The following RRP36 variants were observed in gnomAD, a reference collection of about 807,000 sequenced individuals.
RRP36 encodes the protein ribosomal RNA processing 36.
Under a neutral mutation model 39.8 loss-of-function variants are expected in RRP36, and 44 were observed. The ratio of observed to expected loss-of-function variants is 1.10; its 90% CI spans 0.87 to 1.42. The LOEUF is 1.42. RRP36 is among the 40% of genes most tolerant of loss of function. The pLI is 0.00. For synonymous variants in RRP36, 124 were observed against 123.1 expected (o/e 1.01, Z -0.05); for missense variants, 316 against 322.4 (o/e 0.98, Z 0.15).
chr6:43,028,796 C>CA (rs1762862366), intron 6 of RRP36, among the ~76,000 whole-genome samples: 1 of 151,382 alleles, frequency 6.6e-6, no homozygotes, highest in Non-Finnish European at 1.5e-5. Flanking sequence ...ACTAAAAATA[C>CA]AAAAAAATTA....
rs111947324 is a variant in RRP36 at position 43,024,938 on chromosome 6, A to G, written c.131-47A>G. On this transcript the variant is annotated intron_variant, in intron 1 of 6. Coordinates refer to ENST00000244496, the MANE Select transcript of RRP36 (RefSeq NM_033112.4). ...GGGGATGGGAAGATGTCTTTTCTGC[A>G]GTGGGACATGCTGAGCTGAGTTGTA... 4 of 1,606,236 alleles carry G rather than the reference A, an allele frequency of 2.5e-6. No individual in the cohort carries two copies. The African/African-American group carries it at 4.0e-5, about 16-fold the overall frequency.
In RRP36 at chr6:43,027,467, C is replaced by T; in HGVS notation, c.633C>T (p.Phe211=). 6.2e-7 allele frequency: 1 copy of T among 1,613,264 alleles called. No homozygotes were observed. Among genetic ancestry groups the T allele is most frequent in the South Asian group, 1.1e-5 (1 of 90,994 alleles). ...AQAQQGHRPY[F]LKKSEQRQLA... is the part of the protein sequence containing the mutation. ...CCCAGCAGGGCCATCGGCCATACTT[C>T]CTGAAAAAATGTGAGTTGGGCACAA... The change falls in exon 6 of 7, where the codon TTC becomes TTT. Residue 211 remains phenylalanine, a synonymous_variant. Transcript: ENST00000244496.
In RRP36 at chr6:43,029,281, G is replaced by T; in HGVS notation, c.*53G>T. 1 of 1,597,262 alleles carries T rather than the reference G, an allele frequency of 6.3e-7. No individual in the cohort carries two copies. On this transcript the variant is annotated 3_prime_UTR_variant, in exon 7 of 7. Transcript: ENST00000244496. ...GCCCCAGGGAGACATGGATCTGTGAGGACAGATTTGGCCACGGCTGGTTTC... is the reference window on the plus strand; with the variant it reads ...GCCCCAGGGAGACATGGATCTGTGATGACAGATTTGGCCACGGCTGGTTTC...
chr6:43,024,889 A>C, intron 1 of RRP36, 96 bp from the exon 2 acceptor site: 2 of 1,400,812 alleles, frequency 1.4e-6, no homozygotes, highest in Non-Finnish European at 2.0e-6. Context: ...CTGATGGGGT[A>C]TTAGGATTAG....
chr6:43,028,885 G>A (rs150335202), intron 6 of RRP36, among the ~76,000 whole-genome samples: 339 of 152,262 alleles, frequency 2.2e-3, no homozygotes, highest in African/African-American at 7.6e-3. Flanking sequence ...TCTAGAAGAC[G>A]GAGGTTGCAG....
In RRP36 at chr6:43,024,946, A is replaced by G. The variant is rs771095842; in HGVS notation, c.131-39A>G. The G allele has an allele frequency of 1.1e-5, 17 of 1,609,962 alleles. No individual in the cohort carries two copies. The South Asian group carries it at 1.8e-4, about 17-fold the overall frequency. The stretch of plus-strand genomic sequence containing the variant: ...GAAGATGTCTTTTCTGCAGTGGGAC[A>G]TGCTGAGCTGAGTTGTATGTCCCTC... On this transcript the variant is annotated intron_variant, in intron 1 of 6. Transcript: ENST00000244496.
At position 43,029,502 on chromosome 6, in the gene RRP36, G is replaced by A. The variant is rs1762875065; in HGVS notation, c.*274G>A. The A allele has an allele frequency of 9.1e-6, 3 of 328,570 alleles. No homozygotes were observed. The highest frequency in any genetic ancestry group is 9.7e-5 in the South Asian group (1 of 10,258). 20.4% of individuals were successfully genotyped at this position (328,570 alleles called of 1,614,324 possible). A position where few individuals can be genotyped will look rare whatever the true frequency, so the allele number is the denominator to read the frequency against. ...GCCTTAAACCAGGGATTCTGATACC[G>A]AAGAAGAGGGGCCAATGAAAACCAT... On this transcript the variant is annotated 3_prime_UTR_variant, in exon 7 of 7. Coordinates refer to ENST00000244496, the MANE Select transcript of RRP36 (RefSeq NM_033112.4).
At chr6:43,021,894 C>T in intron 1 of RRP36, 110 bp downstream of exon 1, 1 of 823,100 alleles carries the variant, frequency 1.2e-6, no homozygotes, top group East Asian at 3.7e-5. Context: ...AAGAGGCAGA[C>T]GCTACACTAG....
chr6:43,028,066 G>C (rs1285355877), intron 6 of RRP36, among the ~76,000 whole-genome samples: 1 of 152,074 alleles, frequency 6.6e-6, no homozygotes, highest in Non-Finnish European at 1.5e-5. Context: ...GGTGGCTCAC[G>C]CCTATAATCC....
intron 4 of RRP36, among the ~76,000 whole-genome samples, chr6:43,026,929 G>T (rs6921535): frequency 0.26 from 39,180 of 151,672 alleles, 7,594 homozygotes; most frequent in African/African-American, 0.55. Flanking sequence ...AGCCGGGCGT[G>T]GTGGCACGTG....
intron 1 of RRP36, among the ~76,000 whole-genome samples, chr6:43,022,569 G>A (rs1442523275): frequency 6.9e-6 from 1 of 144,512 alleles, no homozygotes; most frequent in Non-Finnish European, 1.5e-5. Context: ...GCGTCACCAC[G>A]CCTGCACGGA....
chr6:43,027,717 C>T (rs537474914), intron 6 of RRP36, among the ~76,000 whole-genome samples: 1 of 129,990 alleles, frequency 7.7e-6, no homozygotes, highest in Admixed American at 7.5e-5. Flanking sequence ...TCCCAACCCC[C>T]CCCCCCCAAC....
In RRP36 at chr6:43,027,270, G is replaced by C. The variant is rs750917366; in HGVS notation, c.525+18G>C. 2.5e-6 allele frequency: 4 copies of C among 1,613,706 alleles called. No individual in the cohort carries two copies. ...AGCGAATGGTGAGTGGGTAATAATT[G>C]TGGTGGGTAATGAAAGCAATTAAAG... On this transcript the variant is annotated intron_variant, in intron 5 of 6. Coordinates refer to ENST00000244496, the MANE Select transcript of RRP36 (RefSeq NM_033112.4).
intron 1 of RRP36, among the ~76,000 whole-genome samples, chr6:43,024,264 G>A (rs549913609): frequency 6.6e-6 from 1 of 152,090 alleles, no homozygotes; most frequent in South Asian, 2.1e-4. Context: ...GTTTCTGGGG[G>A]AAGTGTACCA....
At chr6:43,025,894 C>A in intron 3 of RRP36, 143 bp from the exon 4 acceptor site, 1 of 525,718 alleles carries the variant, frequency 1.9e-6, no homozygotes, top group East Asian at 3.4e-5. Flanking sequence ...GATTGCACCA[C>A]TGCACTCCAG....
Position 43,025,146 on chromosome 6 carries a change from G to C in RRP36, c.278+14G>C. 6.2e-7 allele frequency: 1 copy of C among 1,613,822 alleles called. No individual in the cohort carries two copies. The highest frequency in any genetic ancestry group is 1.1e-5 in the South Asian group (1 of 91,074). ...AGATAAGCACAGGTAAGCAAGGCTTGCCCTAGAAGTTGGAAGATAACTGGG... is the reference window on the plus strand; with the variant it reads ...AGATAAGCACAGGTAAGCAAGGCTTCCCCTAGAAGTTGGAAGATAACTGGG... On this transcript the variant is annotated intron_variant, in intron 2 of 6. Coordinates refer to ENST00000244496, the MANE Select transcript of RRP36 (RefSeq NM_033112.4).
At chr6:43,028,200 G>C (rs550965931) in intron 6 of RRP36, among the ~76,000 whole-genome samples, 1 of 151,902 alleles carries the variant, frequency 6.6e-6, no homozygotes, top group Non-Finnish European at 1.5e-5. Context: ...GCCTGGTGGC[G>C]TGCACCTGTA....
In RRP36 at chr6:43,021,770, G is replaced by A. The variant is rs1451847072; in HGVS notation, c.116G>A (p.Arg39His). 6 of 1,219,362 alleles carry A rather than the reference G, an allele frequency of 4.9e-6. No individual in the cohort carries two copies. In the African/African-American group the frequency reaches 6.3e-5, roughly 13 times the overall value. The allele number at this position is 1,219,362 out of a possible 1,614,324, so 75.5% of individuals were successfully genotyped here. ...GGCCTGGAGCCCGCGGCCGTGGCCCGCGACCTATTGAGGGGTGAGGGCATG... is the reference window on the plus strand; with the variant it reads ...GGCCTGGAGCCCGCGGCCGTGGCCCACGACCTATTGAGGGGTGAGGGCATG... ...GGGLEPAAVA[R>H]DLLRGTSNMS... is the part of the protein sequence containing the mutation. Residue 39 changes from arginine to histidine, a missense_variant, in exon 1 of 7, where the codon CGC becomes CAC. Transcript: ENST00000244496.
intron 1 of RRP36, among the ~76,000 whole-genome samples, chr6:43,022,032 G>T (rs1762725662): frequency 6.6e-6 from 1 of 152,214 alleles, no homozygotes; most frequent in African/African-American, 2.4e-5. Context: ...CAATAGCATG[G>T]AGGCAGGAAA....
Sources: allele counts gnomAD v4.1 joint callset (sites outside exome capture counted in the v4.1 genomes callset), GRCh38; gene constraint gnomAD v4.1.1; transcripts MANE v1.5; gene names NCBI Gene and HGNC (gene_info 2026-07-23, HGNC 2026-07-21).